SSX7: variants seen among roughly 807,000 people sequenced by gnomAD.
The protein encoded by SSX7 is protein SSX7.
SSX7 carries 15 observed loss-of-function variants against 14.7 expected under a neutral mutation model. The observed-to-expected ratio is 1.02, with a 90% CI of 0.68 to 1.58. SSX7 has a LOEUF of 1.58. Among genes scored for constraint, SSX7 ranks in the 40% most tolerant of loss-of-function variants. The pLI is 0.00. For synonymous variants in SSX7, 46 were observed against 50.6 expected (o/e 0.91, Z 0.38); for missense variants, 178 against 146.8 (o/e 1.21, Z -1.10).
Position 52,652,818 on chromosome X carries a change from T to A in SSX7, c.184+52A>T, listed in dbSNP as rs782545982. On this transcript the variant is annotated intron_variant, in intron 3 of 7. Transcript: ENST00000298181. ...GCCTAAGAAGTAGCCAAAGCAGGAA[T>A]AGGGATGCTCATGTGTCCCCAGACT... 58 of 1,051,180 alleles carry A rather than the reference T, an allele frequency of 5.5e-5. No individual in the cohort carries two copies. The South Asian group carries it at 7.4e-4, about 13-fold the overall frequency. The allele number at this position is 1,051,180 out of a possible 1,213,427, so 86.6% of individuals were successfully genotyped here. A position where few individuals can be genotyped will look rare whatever the true frequency, so the allele number is the denominator to read the frequency against.
At chrX:52,648,464 A>C in intron 5 of SSX7, 68 bp from the exon 6 acceptor site, 2 of 1,182,160 alleles carry the variant, frequency 1.7e-6, no homozygotes, top group Non-Finnish European at 1.1e-6. Flanking sequence ...GAGCTTACAA[A>C]GCGTCTTCAC....
At chrX:52,650,100 C>T (rs144827258) in intron 5 of SSX7, among the ~76,000 whole-genome samples, 2,258 of 111,889 alleles carry the variant, frequency 0.02, 29 homozygotes, top group Middle Eastern at 0.088. Context: ...TCATACAGGT[C>T]TTCTTAAGGA....
intron 4 of SSX7, among the ~76,000 whole-genome samples, chrX:52,651,730 C>T (rs1322724525): frequency 9.0e-6 from 1 of 111,281 alleles, no homozygotes; most frequent in Non-Finnish European, 1.9e-5. Context: ...AAAAAATGAG[C>T]TGGGTGTGGG....
intron 2 of SSX7, 146 bp from the exon 3 acceptor site, chrX:52,653,130 A>T (rs1925495768): frequency 8.5e-7 from 1 of 1,170,283 alleles, no homozygotes; most frequent in African/African-American, 1.8e-5. Context: ...TCCTAGCTTC[A>T]CCCCTGCCAC....
chrX:52,648,764 C>T (rs1268221293), intron 5 of SSX7, among the ~76,000 whole-genome samples: 5 of 111,527 alleles, frequency 4.5e-5, no homozygotes, highest in African/African-American at 1.6e-4. Context: ...CTCATATAAG[C>T]TCTTAGCTGC....
At chrX:52,653,100 C>A in intron 2 of SSX7, 116 bp from the exon 3 acceptor site, 3 of 1,170,231 alleles carry the variant, frequency 2.6e-6, no homozygotes, top group South Asian at 1.9e-5. Flanking sequence ...CCATGGCTAA[C>A]CGACAACATG....
At chrX:52,648,685 G>A (rs1412839025) in intron 5 of SSX7, among the ~76,000 whole-genome samples, 2 of 111,697 alleles carry the variant, frequency 1.8e-5, no homozygotes, top group Non-Finnish European at 3.8e-5. Flanking sequence ...CAAAAGATTG[G>A]AAGAAGGATA....
intron 2 of SSX7, 166 bp from the exon 3 acceptor site, chrX:52,653,150 C>T (rs1601977349): frequency 1.7e-5 from 13 of 754,068 alleles, no homozygotes; most frequent in Non-Finnish European, 2.0e-5. Context: ...CACAGTAGGG[C>T]TTTAATGCTG....
intron 5 of SSX7, 89 bp downstream of exon 5, chrX:52,650,264 G>A (rs1217893332): frequency 9.1e-7 from 1 of 1,099,787 alleles, no homozygotes; most frequent in African/African-American, 1.8e-5. Context: ...GGCAGTGAGG[G>A]CATTTTTTAT....
rs782390380 is a variant in SSX7, at chrX:52,653,494, T to C, written c.-20-2A>G. The C allele has an allele frequency of 8.3e-6, 10 of 1,209,305 alleles. No individual in the cohort carries two copies. The highest frequency in any genetic ancestry group is 1.8e-5 in the South Asian group (1 of 56,735). On this transcript the variant is annotated splice_acceptor_variant, in intron 1 of 7. Transcript: ENST00000298181. LOFTEE classifies it low-confidence loss of function (5UTR_SPLICE). ...TCATGGCACCAGGAGCAGTCTGACC[T>C]GCAAGAGAAATAGCCTGAGTCTTTC...
intron 6 of SSX7, 36 bp downstream of exon 6, chrX:52,648,225 A>T (rs1328642628): frequency 8.4e-7 from 1 of 1,197,573 alleles, no homozygotes; most frequent in Non-Finnish European, 1.1e-6. Context: ...TAGCCACGGA[A>T]GCCAGAGGGT....
In SSX7 at chrX:52,644,492, G is replaced by A. The variant is rs1238180223; in HGVS notation, c.*183C>T. 1 of 690,414 alleles carries A rather than the reference G, an allele frequency of 1.4e-6. No individual in the cohort carries two copies. Among genetic ancestry groups the A allele is most frequent in the South Asian group, 2.4e-5 (1 of 41,931 alleles). The allele number at this position is 690,414 out of a possible 1,213,427, so 56.9% of individuals were successfully genotyped here. ...TGGCACACTGTAAGAAAATACAATG[G>A]AAACACTAACATCGAACTCTTGTCA... On this transcript the variant is annotated 3_prime_UTR_variant, in exon 8 of 8. Transcript: ENST00000298181.
Position 52,650,388 on chromosome X carries a change from T to C in SSX7, c.295A>G (p.Met99Val). Residue 99 changes from methionine to valine, a missense_variant, in exon 5 of 8, where the codon ATG becomes GTG. By Grantham distance (21) the Met-to-Val change is conservative. Transcript: ENST00000298181. ...NQGNQVERPQMTFCRLQRIFP... is the reference protein window; with the variant it reads ...NQGNQVERPQVTFCRLQRIFP... ...ATTCTCTGGAGCCTGCAAAAAGTCA[T>C]CTGAGGACGTTCAACTGAAAGAGAA... 1.7e-6 allele frequency: 2 copies of C among 1,210,278 alleles called. No individual in the cohort carries two copies. Among genetic ancestry groups the C allele is most frequent in the Non-Finnish European group, 2.2e-6 (2 of 894,326 alleles).
At chrX:52,652,056 T>C (rs1396187790) in intron 4 of SSX7, among the ~76,000 whole-genome samples, 196 bp downstream of exon 4, 1 of 110,482 alleles carries the variant, frequency 9.1e-6, no homozygotes, top group African/African-American at 3.3e-5. Flanking sequence ...TATAAAAATA[T>C]ATATTCTTGT....
At chrX:52,645,289 G>C (rs1480800286) in intron 7 of SSX7, 150 bp downstream of exon 7, 3 of 1,031,544 alleles carry the variant, frequency 2.9e-6, no homozygotes, top group Non-Finnish European at 3.9e-6. Context: ...AAAAAACGTG[G>C]GAAATCTCTC....
At chrX:52,645,938 C>T (rs3122206) in intron 6 of SSX7, among the ~76,000 whole-genome samples, 6 of 111,581 alleles carry the variant, frequency 5.4e-5, no homozygotes, top group Admixed American at 3.8e-4. Flanking sequence ...AATTTTACAC[C>T]TTTCCGTTAT....
At chrX:52,652,657 G>A (rs1199836559) in intron 3 of SSX7, among the ~76,000 whole-genome samples, 1 of 110,710 alleles carries the variant, frequency 9.0e-6, no homozygotes, top group Non-Finnish European at 1.9e-5. Context: ...GGAGAGAAAC[G>A]TGCAGGATCC....
intron 6 of SSX7, among the ~76,000 whole-genome samples, chrX:52,647,362 T>C (rs1925282299): frequency 8.9e-6 from 1 of 112,565 alleles, no homozygotes; most frequent in Admixed American, 9.4e-5. Flanking sequence ...TCAATGTAGA[T>C]AAAATAGCCT....
intron 4 of SSX7, among the ~76,000 whole-genome samples, 180 bp downstream of exon 4, chrX:52,652,072 G>A (rs183110199): frequency 0.017 from 1,792 of 107,553 alleles, 32 homozygotes; most frequent in African/African-American, 0.058. Context: ...CTTGTTTTTC[G>A]TGTTTTAAAA....
Sources: gnomAD v4.1 joint callset for allele counts (sites outside exome capture counted in the v4.1 genomes callset) on GRCh38, gnomAD v4.1.1 for gene constraint, MANE v1.5 for transcripts, NCBI Gene and HGNC (gene_info 2026-07-23, HGNC 2026-07-21) for gene names.